The following SPEG variants were observed in gnomAD, a reference collection of about 807,000 sequenced individuals.
SPEG encodes the protein striated muscle preferentially expressed protein kinase.
In SPEG, 114 loss-of-function variants were observed where a neutral mutation model predicts 300.4. That is an observed-to-expected ratio of 0.38 (90% CI 0.33 to 0.44). The LOEUF (loss-of-function observed/expected upper bound fraction) is 0.44, where lower values mean the gene tolerates loss of function less well. Ranked by LOEUF, SPEG falls within the 20% of genes least tolerant of loss-of-function variation. The pLI, the probability that SPEG is intolerant of heterozygous loss-of-function variation, is 1.00. For missense variants in SPEG, 4,201 were observed against 4,586.2 expected (o/e 0.92, Z 2.43); for synonymous variants, 1,964 against 2,018.9 (o/e 0.97, Z 0.73).
At chr2:219,447,824 C>CGTGGGG (rs552557297) in intron 3 of SPEG, 150 bp from the exon 4 acceptor site, 8,291 of 702,644 alleles carry the variant, frequency 0.012, 80 homozygotes, top group Non-Finnish European at 0.016. Flanking sequence ...GTGCGCTCCT[C>CGTGGGG]GTGGGGGTGG....
At chr2:219,468,499 C>A in intron 10 of SPEG, 79 bp from the exon 11 acceptor site, 1 of 1,509,880 alleles carries the variant, frequency 6.6e-7, no homozygotes, top group Admixed American at 1.8e-5. Flanking sequence ...TCCTGCTCAG[C>A]CTTAGGTCAG....
rs1179324219 is a variant in SPEG, at chr2:219,484,851, G to C, written c.7388G>C (p.Arg2463Pro). The C allele has an allele frequency of 6.6e-7, 1 of 1,519,800 alleles. No individual in the cohort carries two copies. Among genetic ancestry groups the C allele is most frequent in the Admixed American group, 2.0e-5 (1 of 49,960 alleles). 94.1% of individuals were successfully genotyped at this position (1,519,800 alleles called of 1,614,324 possible). ...AGGCGGCTGAGCTTCACCCTGGAGC[G>C]GCTGTCCAGCCGATTGCAGCGCAGT... is the stretch of plus-strand genomic sequence containing the variant. ...MRRRLSFTLE[R>P]LSSRLQRSGS... Residue 2463 changes from arginine (R) to proline (P), a missense_variant, in exon 30 of 41, where the codon CGG (arginine) becomes CCG (proline). This residue lies in a region of SPEG where 1,578 missense variants were observed against 1,506.0 expected (regional missense o/e 1.05). Transcript: ENST00000312358.
At chr2:219,463,914 AAGTTCAAGACC>A (rs1309452581) in intron 8 of SPEG, among the ~76,000 whole-genome samples, 2 of 152,064 alleles carry the variant, frequency 1.3e-5, no homozygotes, top group Admixed American at 1.3e-4. Flanking sequence ...TTGAGCCCAG[AAGTTCAAGACC>A]AGCGTGGACA....
rs1288384730 is a variant in SPEG at position 219,484,557 on chromosome 2, G to A, written c.7094G>A (p.Gly2365Glu). 6.3e-7 allele frequency: 1 copy of A among 1,588,408 alleles called. No homozygotes were observed. The highest frequency in any genetic ancestry group is 8.5e-7 in the Non-Finnish European group (1 of 1,171,554). ...TCGGAGGAGCGCGGCCCCTTCCGTG[G>A]GGCCGAGGAGGAGGATGGCATATAC... ...SRSEERGPFRGAEEEDGIYRP... is the reference protein window; with the variant it reads ...SRSEERGPFREAEEEDGIYRP... The change falls in exon 30 of 41, where the codon GGG becomes GAG. Residue 2365 changes from glycine to glutamate, a missense_variant. By Grantham distance (98) the Gly-to-Glu change is moderately conservative. Around this residue, in one of 4 missense-constraint regions of SPEG, gnomAD observed 1,578 missense variants for 1,506.0 expected, o/e 1.05. Transcript: ENST00000312358.
chr2:219,467,634 A>G (rs1691494333), intron 10 of SPEG, among the ~76,000 whole-genome samples, 200 bp downstream of exon 10: 1 of 152,258 alleles, frequency 6.6e-6, no homozygotes, highest in South Asian at 2.1e-4. Context: ...AGGCCGCAAC[A>G]GGGTTAACTG....
At chr2:219,440,148 C>T (rs925821377) in intron 1 of SPEG, among the ~76,000 whole-genome samples, 6 of 152,126 alleles carry the variant, frequency 3.9e-5, no homozygotes, top group African/African-American at 7.2e-5. Flanking sequence ...TTTGGAATGC[C>T]GAGGCAGGAG....
At chr2:219,465,848 CAT>C (rs1485523593) in intron 9 of SPEG, 5 of 612,738 alleles carry the variant, frequency 8.2e-6, no homozygotes, top group Non-Finnish European at 1.5e-5. Flanking sequence ...TATGTGCATG[CAT>C]GTGTGTGCAT....
chr2:219,477,237 G>T lies in SPEG; in HGVS notation c.4561-40G>T. 2 of 812,116 alleles carry T rather than the reference G, an allele frequency of 2.5e-6. No individual in the cohort carries two copies. The highest frequency in any genetic ancestry group is 3.5e-6 in the Non-Finnish European group (2 of 568,798). 50.3% of individuals were successfully genotyped at this position (812,116 alleles called of 1,614,324 possible). ...GAGGCCCTGGCCCCAAGGTAGAGAT[G>T]AGGCCAGGCCCAGGCTGAAGGTGAG... On this transcript the variant is annotated intron_variant, in intron 19 of 40. Transcript: ENST00000312358. This position sits in a 1 kb window ranked among gnomAD's most constrained non-coding sequence, Gnocchi z 6.4.
intron 14 of SPEG, 48 bp downstream of exon 14, chr2:219,472,035 G>A: frequency 6.2e-7 from 1 of 1,601,282 alleles, no homozygotes; most frequent in Non-Finnish European, 8.5e-7. Flanking sequence ...CCTGGCCTCT[G>A]GCACTACGTG....
In SPEG at chr2:219,471,899, C is replaced by T. The variant is rs372261652; in HGVS notation, c.3747C>T (p.Ala1249=). Residue 1249 remains alanine, a synonymous_variant, in exon 14 of 41, where the codon GCC becomes GCT. Transcript: ENST00000312358. Reference sequence around the variant, plus strand: ...ATGTCCATCGCTTGGTGTTCCCTGCCGTGGGGCCTCAGCACGCCGGTGTCT... The same window carrying T: ...ATGTCCATCGCTTGGTGTTCCCTGCTGTGGGGCCTCAGCACGCCGGTGTCT... ...YRDVHRLVFP[A]VGPQHAGVYK... The T allele has an allele frequency of 2.2e-4, 356 of 1,614,062 alleles. No homozygotes were observed. Among genetic ancestry groups the T allele is most frequent in the Admixed American group, 3.0e-4 (18 of 60,018 alleles).
At chr2:219,471,067 G>T (rs35936942) in intron 13 of SPEG, among the ~76,000 whole-genome samples, 4 of 151,822 alleles carry the variant, frequency 2.6e-5, no homozygotes, top group Non-Finnish European at 4.4e-5. Context: ...AAGAGCCCCC[G>T]CCCATGAAAA....
At chr2:219,471,218 A>G (rs1216013473) in intron 13 of SPEG, among the ~76,000 whole-genome samples, 1 of 152,208 alleles carries the variant, frequency 6.6e-6, no homozygotes, top group Non-Finnish European at 1.5e-5. Flanking sequence ...TTGAAGGACA[A>G]GGAAGCCTTA....
In SPEG at chr2:219,445,013, C is replaced by G; in HGVS notation, c.667C>G (p.Arg223Gly). The G allele has an allele frequency of 6.2e-7, 1 of 1,610,098 alleles. No homozygotes were observed. The highest frequency in any genetic ancestry group is 8.5e-7 in the Non-Finnish European group (1 of 1,178,510). ...RQAQATGAGP[R>G]HLGVEPLVRA... ...AGCACAGGCAACCGGGGCCGGGCCA[C>G]GGCACCTGGGGGTGGAGCCGCTGGT... Residue 223 changes from arginine (R) to glycine (G), a missense_variant, in exon 3 of 41, where the codon CGG (arginine) becomes GGG (glycine). Coordinates refer to ENST00000312358, the MANE Select transcript of SPEG (RefSeq NM_005876.5). The surrounding 1 kb of genome is among the most constrained non-coding windows in gnomAD (Gnocchi z 6.1).
rs1401068637 is a variant in SPEG, at chr2:219,462,278, C to A, written c.2617-20C>A. 5 of 1,551,598 alleles carry A rather than the reference C, an allele frequency of 3.2e-6. No individual in the cohort carries two copies. The highest frequency in any genetic ancestry group is 3.5e-6 in the Non-Finnish European group (4 of 1,145,678). On this transcript the variant is annotated intron_variant, in intron 7 of 40. Transcript: ENST00000312358. ...GGCTCTGCCCTGTCTTCCCCTGACA[C>A]TTTGGGGTACCCCCTTCAGGTCTCA...
Position 219,492,864 on chromosome 2 carries a change from G to A in SPEG, c.*78G>A. 1.4e-6 allele frequency: 2 copies of A among 1,437,134 alleles called. No individual in the cohort carries two copies. The highest frequency in any genetic ancestry group is 1.9e-6 in the Non-Finnish European group (2 of 1,058,338). 89.0% of individuals were successfully genotyped at this position (1,437,134 alleles called of 1,614,324 possible). A position where few individuals can be genotyped will look rare whatever the true frequency, so the allele number is the denominator to read the frequency against. On this transcript the variant is annotated 3_prime_UTR_variant, in exon 41 of 41. Coordinates refer to ENST00000312358, the MANE Select transcript of SPEG (RefSeq NM_005876.5). ...CACGGGACATTCCAGGGCCCACGCT[G>A]AGCCAGGCGGGCCTGGGGCTTCGGT...
rs1012332244 is a variant in SPEG, at chr2:219,444,093, T to A, written c.389-560T>A. 1.5e-6 allele frequency: 2 copies of A among 1,335,190 alleles called. No homozygotes were observed. The highest frequency in any genetic ancestry group is 9.5e-5 in the East Asian group (2 of 21,094). The allele number at this position is 1,335,190 out of a possible 1,614,324, so 82.7% of individuals were successfully genotyped here. On this transcript the variant is annotated intron_variant, in intron 1 of 40. Coordinates refer to ENST00000312358, the MANE Select transcript of SPEG (RefSeq NM_005876.5). The surrounding 1 kb of genome is among the most constrained non-coding windows in gnomAD (Gnocchi z 7.8). Reference sequence around the variant, plus strand: ...CTGGCTCCTGCTCTAGCCCCCCGCATCCCCCCCTTTCCCACCCGGCCCCGG... The same window carrying A: ...CTGGCTCCTGCTCTAGCCCCCCGCAACCCCCCCTTTCCCACCCGGCCCCGG...
chr2:219,483,812 C>A lies in SPEG; in HGVS notation c.6349C>A (p.Gln2117Lys). ...AASSEAAPHHQPPLENRGLQK... is the reference protein window; with the variant it reads ...AASSEAAPHHKPPLENRGLQK... ...CTCCAGCGAGGCAGCGCCCCACCAC[C>A]AGCCCCCACTCGAGAACCGGGGCCT... Residue 2117 changes from glutamine (Q) to lysine (K), a missense_variant, in exon 30 of 41, where the codon CAG becomes AAG. Physicochemically the swap from Gln to Lys is moderately conservative, Grantham distance 53. Around this residue, in one of 4 missense-constraint regions of SPEG, gnomAD observed 1,578 missense variants for 1,506.0 expected, o/e 1.05. Coordinates refer to ENST00000312358, the MANE Select transcript of SPEG (RefSeq NM_005876.5). 1.3e-6 allele frequency: 2 copies of A among 1,577,066 alleles called. No homozygotes were observed. The highest frequency in any genetic ancestry group is 1.7e-6 in the Non-Finnish European group (2 of 1,168,492).
At position 219,484,168 on chromosome 2, in the gene SPEG, G is replaced by C. The variant is rs1196349854; in HGVS notation, c.6705G>C (p.Leu2235=). ...ASKPAPPPQA[L]QTLALPLTPY... ...AGCCTGCACCACCCCCCCAGGCCCT[G>C]CAAACCCTAGCGCTGCCCCTCACAC... is the stretch of plus-strand genomic sequence containing the variant. The change falls in exon 30 of 41, where the codon CTG becomes CTC. Residue 2235 remains leucine, a synonymous_variant. Coordinates refer to ENST00000312358, the MANE Select transcript of SPEG (RefSeq NM_005876.5). The C allele has an allele frequency of 1.2e-6, 2 of 1,613,398 alleles. No individual in the cohort carries two copies. Among genetic ancestry groups the C allele is most frequent in the Non-Finnish European group, 1.7e-6 (2 of 1,179,942 alleles).
At position 219,468,562 on chromosome 2, in the gene SPEG, GC is replaced by G. The variant is rs755316777; in HGVS notation, c.3143-11del. 1.2e-6 allele frequency: 2 copies of G among 1,608,844 alleles called. No homozygotes were observed. On this transcript the variant is annotated splice_polypyrimidine_tract_variant and intron_variant, in intron 10 of 40. Coordinates refer to ENST00000312358, the MANE Select transcript of SPEG (RefSeq NM_005876.5). The stretch of plus-strand genomic sequence containing the variant: ...CCTTAGCCTTCCCTATCTCTGAGCT[GC>G]CCCCTGCCCCACAGATGAGCTGACC...
Sources: allele counts gnomAD v4.1 joint callset (sites outside exome capture counted in the v4.1 genomes callset), GRCh38; gene constraint gnomAD v4.1.1; regional missense constraint gnomAD v4.1.1; non-coding constraint Gnocchi (gnomAD v3.1); transcripts MANE v1.5; gene names NCBI Gene and HGNC (gene_info 2026-07-23, HGNC 2026-07-21).